Variants in SREK1IP1 observed in about 807,000 individuals in gnomAD.
The protein encoded by SREK1IP1 is SREK1 interacting protein 1.
Under a neutral mutation model 22.8 loss-of-function variants are expected in SREK1IP1, and 12 were observed. That is an observed-to-expected ratio of 0.53 (90% confidence interval 0.34 to 0.85). The LOEUF (loss-of-function observed/expected upper bound fraction) is 0.85. Among genes scored for constraint, SREK1IP1 ranks in the 40% least tolerant of loss-of-function variants. SREK1IP1 has a pLI of 0.02. For missense variants in SREK1IP1, 147 were observed against 171.8 expected (o/e 0.86, Z 0.81); for synonymous variants, 53 against 52.7 (o/e 1.01, Z -0.02).
At chr5:64,728,468 T>G (rs1241201138) in intron 3 of SREK1IP1, among the ~76,000 whole-genome samples, 2 of 152,180 alleles carry the variant, frequency 1.3e-5, no homozygotes, top group Admixed American at 6.5e-5. Flanking sequence ...TGGGTATTGT[T>G]TGGCCCTTAA....
rs760984221 is a variant in SREK1IP1, at chr5:64,724,567, G to A, written c.285C>T (p.Tyr95=). Residue 95 remains tyrosine (Y), a synonymous_variant, in exon 5 of 5, where the codon TAC becomes TAT. Coordinates refer to ENST00000513458, the MANE Select transcript of SREK1IP1 (RefSeq NM_173829.4). ...IKLKKKRKRS[Y]SSSSTEEDTS... ...TGTCCTCTTCAGTGGAACTGGATGA[G>A]TAAGACCTATGGATAATAATACATA... 2 of 1,562,154 alleles carry A rather than the reference G, an allele frequency of 1.3e-6. No homozygotes were observed. Among genetic ancestry groups the A allele is most frequent in the South Asian group, 1.2e-5 (1 of 80,578 alleles).
intron 2 of SREK1IP1, among the ~76,000 whole-genome samples, chr5:64,747,083 G>A (rs1431058109): frequency 3.3e-5 from 5 of 152,232 alleles, no homozygotes; most frequent in Non-Finnish European, 7.3e-5. Flanking sequence ...GCTTCCATGT[G>A]CTCTCTGTGT....
Position 64,720,848 on chromosome 5 carries a change from T to G in SREK1IP1, c.*3536A>C, listed in dbSNP as rs1742150512. 6.6e-6 allele frequency: 1 copy of G among 152,230 alleles called. No homozygotes were observed. Among genetic ancestry groups the G allele is most frequent in the African/African-American group, 2.4e-5 (1 of 41,438 alleles). The allele number at this position is 152,230 out of a possible 1,614,324, so 9.4% of individuals were successfully genotyped here. On this transcript the variant is annotated 3_prime_UTR_variant, in exon 5 of 5. Transcript: ENST00000513458. ...TAATGGTGTCTCATTGCTTACACAT[T>G]ACAGTTCAAGCTCCCAAACACGGAA...
intron 2 of SREK1IP1, among the ~76,000 whole-genome samples, chr5:64,752,144 G>GTTTTTTTTTTTT (rs755420855): frequency 1.2e-4 from 10 of 85,470 alleles, no homozygotes; most frequent in African/African-American, 1.6e-4. Flanking sequence ...TTTTTTTTGT[G>GTTTTTTTTTTTT]TGTTTTTTTT....
At position 64,741,158 on chromosome 5, in the gene SREK1IP1, T is replaced by C. The variant is rs762213734; in HGVS notation, c.104A>G (p.Asp35Gly). The change falls in exon 3 of 5, where the codon GAC becomes GGC. Residue 35 changes from aspartate (D) to glycine (G), a missense_variant. Physicochemically the swap from Asp to Gly is moderately conservative, Grantham distance 94. Coordinates refer to ENST00000513458, the MANE Select transcript of SREK1IP1 (RefSeq NM_173829.4). ...TFECRNFLRV[D>G]PKRDIVLDVS... The stretch of plus-strand genomic sequence containing the variant: ...ATCCAAAACTATGTCCCTTTTAGGG[T>C]CTACTCGGAGAAAATTGCGGCATTC... 5.0e-6 allele frequency: 8 copies of C among 1,612,252 alleles called. No homozygotes were observed. The East Asian group carries it at 1.3e-4, about 27-fold the overall frequency.
Position 64,768,528 on chromosome 5 carries a change from A to C in SREK1IP1, c.-11T>G. 6.2e-7 allele frequency: 1 copy of C among 1,614,144 alleles called. No individual in the cohort carries two copies. Among genetic ancestry groups the C allele is most frequent in the Non-Finnish European group, 8.5e-7 (1 of 1,180,014 alleles). On this transcript the variant is annotated 5_prime_UTR_variant, in exon 1 of 5. Transcript: ENST00000513458. ...ACCTGGGACTGCCATGACGGTGGTA[A>C]GAGGGGTAACTCGAGCCTCTGGCTT...
In SREK1IP1 at chr5:64,741,249, T is replaced by A. The variant is rs376298275; in HGVS notation, c.62-49A>T. ...TGTGAGTGATAAAACTATAGATACA[T>A]TATGTATTTTTGTATGTTTTGCTGC... On this transcript the variant is annotated intron_variant, in intron 2 of 4. Transcript: ENST00000513458. The A allele has an allele frequency of 7.1e-6, 11 of 1,546,260 alleles. No homozygotes were observed. The African/African-American group carries it at 1.5e-4, about 21-fold the overall frequency.
intron 1 of SREK1IP1, among the ~76,000 whole-genome samples, chr5:64,761,941 A>T (rs1742959358): frequency 6.6e-6 from 1 of 152,258 alleles, no homozygotes. Flanking sequence ...AAAACCAAAA[A>T]GAAGGGACAA....
intron 4 of SREK1IP1, among the ~76,000 whole-genome samples, chr5:64,725,558 T>A (rs908561221): frequency 6.6e-6 from 1 of 152,230 alleles, no homozygotes; most frequent in Non-Finnish European, 1.5e-5. Flanking sequence ...CTGTATAGTG[T>A]GTGAATTCCT....
At chr5:64,727,530 C>CATATATATATATATATATATATATATAT (rs370322604) in intron 4 of SREK1IP1, 2 of 117,484 alleles carry the variant, frequency 1.7e-5, no homozygotes, top group African/African-American at 8.0e-5. Flanking sequence ...CATATAATTA[C>CATATATATATATATATATATATATATAT]ATATATATAT....
chr5:64,759,984 ATTAG>A (rs759951564), intron 1 of SREK1IP1, among the ~76,000 whole-genome samples: 19 of 152,224 alleles, frequency 1.2e-4, no homozygotes, highest in Non-Finnish European at 2.1e-4. Flanking sequence ...ACATTTGGGA[ATTAG>A]TTCTCCCAAT....
At position 64,724,452 on chromosome 5, in the gene SREK1IP1, C is replaced by T; in HGVS notation, c.400G>A (p.Glu134Lys). Residue 134 changes from glutamate (E) to lysine (K), a missense_variant, in exon 5 of 5, where the codon GAA becomes AAA. Transcript: ENST00000513458. ...KSKKGKHHKK[E>K]KKKRKKEKHS... is the part of the protein sequence containing the mutation. ...TTTTCCTTTTTTCTCTTCTTTTTTT[C>T]CTTTTTGTGATGTTTCCCTTTTTTT... The T allele has an allele frequency of 1.3e-6, 2 of 1,585,712 alleles. No individual in the cohort carries two copies. Among genetic ancestry groups the T allele is most frequent in the Admixed American group, 1.9e-5 (1 of 52,778 alleles).
At chr5:64,747,025 G>A (rs1295625146) in intron 2 of SREK1IP1, among the ~76,000 whole-genome samples, 2 of 152,190 alleles carry the variant, frequency 1.3e-5, no homozygotes, top group East Asian at 1.9e-4. Context: ...CCAAATGGAG[G>A]AGATGCGTAG....
intron 4 of SREK1IP1, among the ~76,000 whole-genome samples, chr5:64,724,939 A>G (rs1481388199): frequency 6.6e-6 from 1 of 152,198 alleles, no homozygotes; most frequent in Non-Finnish European, 1.5e-5. Flanking sequence ...TGTGTATACA[A>G]TAACTTCGCA....
intron 3 of SREK1IP1, among the ~76,000 whole-genome samples, chr5:64,736,362 C>A (rs76620989): frequency 1.1e-4 from 17 of 152,074 alleles, no homozygotes; most frequent in African/African-American, 4.1e-4. Context: ...GTGTTGAGAT[C>A]GCTGGCTATA....
chr5:64,745,434 T>C (rs1742616770), intron 2 of SREK1IP1, among the ~76,000 whole-genome samples: 2 of 152,144 alleles, frequency 1.3e-5, no homozygotes, highest in Admixed American at 1.3e-4. Context: ...CTACTAAAAA[T>C]ACAAAAATTA....
chr5:64,729,027 C>T (rs1294763926), intron 3 of SREK1IP1, among the ~76,000 whole-genome samples: 2 of 152,096 alleles, frequency 1.3e-5, no homozygotes, highest in Admixed American at 1.3e-4. Context: ...CCCATTTCTA[C>T]TAAAAATACA....
chr5:64,761,112 G>C (rs572699116), intron 1 of SREK1IP1, among the ~76,000 whole-genome samples: 1 of 152,220 alleles, frequency 6.6e-6, no homozygotes, highest in South Asian at 2.1e-4. Context: ...ATTAATTCAT[G>C]ATGTCAGAGT....
chr5:64,728,783 A>T (rs1253491722), intron 3 of SREK1IP1, among the ~76,000 whole-genome samples: 2 of 152,182 alleles, frequency 1.3e-5, no homozygotes, highest in Admixed American at 6.5e-5. Flanking sequence ...TTAAACACAG[A>T]AGTGTTCCCA....
Sources: allele counts gnomAD v4.1 joint callset (sites outside exome capture counted in the v4.1 genomes callset), GRCh38; gene constraint gnomAD v4.1.1; transcripts MANE v1.5; gene names NCBI Gene and HGNC (gene_info 2026-07-23, HGNC 2026-07-21).